MS4A18: variants seen among roughly 807,000 people sequenced by gnomAD.
The protein encoded by MS4A18 is membrane spanning 4-domains A18.
In MS4A18, 27 loss-of-function variants were observed where a neutral mutation model predicts 13.1. The ratio of observed to expected loss-of-function variants is 2.06; its 90% CI spans 1.52 to 2.84. MS4A18 has a LOEUF of 2.84. Ranked by LOEUF, MS4A18 falls within the 30% of genes most tolerant of loss-of-function variation. MS4A18 has a pLI of 0.00. For missense variants in MS4A18, 307 were observed against 196.4 expected (o/e 1.56, Z -3.37); for synonymous variants, 126 against 76.5 (o/e 1.65, Z -3.38).
intron 5 of MS4A18, among the ~76,000 whole-genome samples, chr11:60,742,370 G>C (rs1418643948): frequency 6.6e-6 from 1 of 152,160 alleles, no homozygotes; most frequent in Admixed American, 6.5e-5. Flanking sequence ...GGTCCAAGTT[G>C]GTAATCCTGT....
chr11:60,738,473 A>C (rs926800833), intron 3 of MS4A18, among the ~76,000 whole-genome samples: 2 of 151,680 alleles, frequency 1.3e-5, no homozygotes, highest in African/African-American at 2.4e-5. Context: ...CTCATTGCCT[A>C]CTCTCTGCTG....
intron 2 of MS4A18, 98 bp from the exon 4 acceptor site, chr11:60,736,880 A>T: frequency 1.5e-6 from 1 of 665,336 alleles, no homozygotes; most frequent in Non-Finnish European, 2.7e-6. Context: ...AGGTGCATAG[A>T]ACATAAAGAT....
upstream of MS4A18, among the ~76,000 whole-genome samples, chr11:60,728,396 G>A (rs2134672383): frequency 6.7e-6 from 1 of 149,318 alleles, no homozygotes; most frequent in African/African-American, 2.5e-5. Flanking sequence ...GTGTGTATGT[G>A]TGTATGTATG....
chr11:60,732,198 G>T (rs2134675268), intron 1 of MS4A18, among the ~76,000 whole-genome samples: 1 of 152,162 alleles, frequency 6.6e-6, no homozygotes, highest in African/African-American at 2.4e-5. Context: ...GAATCTCTCT[G>T]GTCCTTAAGG....
At chr11:60,741,062 C>T (rs1035007079) in exon 5 of MS4A18, 17 of 702,910 alleles carry the variant, frequency 2.4e-5, no homozygotes, top group Middle Eastern at 2.3e-4. Context: ...GCGGTCTTCT[C>T]CCCTTTGCCC....
chr11:60,738,891 C>T lies in MS4A18; in HGVS notation c.649-11C>T, dbSNP rs1370514809. ...CTCGGCTCCCTCTCTCCTCTCCCTCCTCTCCTGCAGGTGAACAGCAGCATC... is the reference window on the plus strand; with the variant it reads ...CTCGGCTCCCTCTCTCCTCTCCCTCTTCTCCTGCAGGTGAACAGCAGCATC... On this transcript the variant is annotated splice_polypyrimidine_tract_variant and intron_variant, in intron 3 of 5. Coordinates refer to ENST00000529108, the Ensembl canonical transcript of MS4A18. 1 of 703,242 alleles carries T rather than the reference C, an allele frequency of 1.4e-6. No homozygotes were observed. The highest frequency in any genetic ancestry group is 2.3e-4 in the Middle Eastern group (1 of 4,372). 43.6% of individuals were successfully genotyped at this position (703,242 alleles called of 1,614,324 possible).
At chr11:60,741,045 G>A in exon 5 of MS4A18, 1 of 703,014 alleles carries the variant, frequency 1.4e-6, no homozygotes, top group South Asian at 1.5e-5. Flanking sequence ...TTCAAAGGCG[G>A]TTTCTGGCGG....
At chr11:60,741,052 G>C in exon 5 of MS4A18, 1 of 702,992 alleles carries the variant, frequency 1.4e-6, no homozygotes, top group Non-Finnish European at 2.6e-6. Context: ...GCGGTTTCTG[G>C]CGGTCTTCTC....
At chr11:60,730,704 A>G (rs1415341851) in intron 1 of MS4A18, among the ~76,000 whole-genome samples, 1 of 152,206 alleles carries the variant, frequency 6.6e-6, no homozygotes, top group Non-Finnish European at 1.5e-5. Flanking sequence ...TCCTGGGTAG[A>G]CAAGTAGATT....
intron 5 of MS4A18, 129 bp downstream of exon 6, chr11:60,741,272 T>C: frequency 1.5e-6 from 1 of 671,756 alleles, no homozygotes; most frequent in Non-Finnish European, 2.7e-6. Context: ...TTTTGCTGCA[T>C]AGCTACCTAC....
downstream of MS4A18, chr11:60,744,329 T>G: frequency 7.0e-6 from 2 of 287,158 alleles, no homozygotes; most frequent in Non-Finnish European, 1.3e-5. Context: ...CATGGAATTC[T>G]TGTAGGTCCA....
Position 60,733,599 on chromosome 11 carries a change from T to A in MS4A18, c.543T>A (p.Tyr181Ter), listed in dbSNP as rs1015015515. 6 of 703,480 alleles carry A rather than the reference T, an allele frequency of 8.5e-6. No homozygotes were observed. The African/African-American group carries it at 1.0e-4, about 12-fold the overall frequency. 43.6% of individuals were successfully genotyped at this position (703,480 alleles called of 1,614,324 possible). A position where few individuals can be genotyped will look rare whatever the true frequency, so the allele number is the denominator to read the frequency against. Residue 181 changes from tyrosine to a stop codon, truncating the protein, a stop_gained, in exon 2 of 6, where the codon TAT (tyrosine) becomes TAA (stop). Coordinates refer to ENST00000529108, the Ensembl canonical transcript of MS4A18. LOFTEE classifies it high-confidence loss of function. ...CAATTAACCCTGTGCTGTATTACTA[T>A]CCTTTTGTGACCTGGTTGTCAGGGT...
At chr11:60,739,953 G>A (rs1469055416) in intron 4 of MS4A18, among the ~76,000 whole-genome samples, 1 of 152,206 alleles carries the variant, frequency 6.6e-6, no homozygotes, top group Non-Finnish European at 1.5e-5. Flanking sequence ...CATGTCTACA[G>A]GGGTGAGGGC....
exon 1 of MS4A18, chr11:60,729,304 C>A (rs1356700021): frequency 1.4e-6 from 1 of 695,096 alleles, no homozygotes; most frequent in Non-Finnish European, 2.6e-6. Flanking sequence ...TGTTTTGCAG[C>A]AGTTGTACAC....
At chr11:60,737,328 T>G (rs879009803) in intron 3 of MS4A18, among the ~76,000 whole-genome samples, 1 of 152,250 alleles carries the variant, frequency 6.6e-6, no homozygotes, top group Non-Finnish European at 1.5e-5. Context: ...AAGCTGTTCT[T>G]TTTTAACTAT....
upstream of MS4A18, among the ~76,000 whole-genome samples, chr11:60,724,969 G>C (rs961649027): frequency 1.3e-5 from 2 of 152,328 alleles, no homozygotes; most frequent in African/African-American, 4.8e-5. Flanking sequence ...CATCCTTGGA[G>C]GTGCTGGGAG....
upstream of MS4A18, among the ~76,000 whole-genome samples, chr11:60,726,247 C>T (rs1853160680): frequency 1.3e-5 from 2 of 152,112 alleles, no homozygotes; most frequent in African/African-American, 4.8e-5. Flanking sequence ...AATGCCTTAG[C>T]CATCAGGTGT....
chr11:60,730,832 T>C (rs984214413), intron 1 of MS4A18, among the ~76,000 whole-genome samples: 25 of 152,320 alleles, frequency 1.6e-4, no homozygotes, highest in Admixed American at 1.4e-3. Flanking sequence ...CGGTGGCTCA[T>C]GCCTGTAATC....
At chr11:60,726,126 C>T (rs1172020571), upstream of MS4A18, among the ~76,000 whole-genome samples, 1 of 152,188 alleles carries the variant, frequency 6.6e-6, no homozygotes. Flanking sequence ...AGTCTCAGAT[C>T]TATTCCTGTG....
Sources: allele counts gnomAD v4.1 joint callset (sites outside exome capture counted in the v4.1 genomes callset), GRCh38; gene constraint gnomAD v4.1.1; transcripts MANE v1.5; gene names NCBI Gene and HGNC (gene_info 2026-07-23, HGNC 2026-07-21).